The following KRT77 variants were observed in gnomAD, a reference collection of about 807,000 sequenced individuals.
KRT77 encodes keratin, type II cytoskeletal 1b.
A neutral mutation model predicts 51.5 loss-of-function variants in KRT77; 44 were observed. The ratio of observed to expected loss-of-function variants is 0.85; its 90% confidence interval spans 0.67 to 1.10. The LOEUF is 1.10. Ranked by LOEUF, KRT77 falls within the 50% of genes least tolerant of loss-of-function variation. KRT77 has a pLI of 0.00. For synonymous variants in KRT77, 293 were observed against 302.0 expected (o/e 0.97, Z 0.31); for missense variants, 763 against 743.9 (o/e 1.03, Z -0.30).
At chr12:52,701,824 C>T (rs1208770318) in intron 1 of KRT77, among the ~76,000 whole-genome samples, 1 of 152,200 alleles carries the variant, frequency 6.6e-6, no homozygotes, top group Non-Finnish European at 1.5e-5. Context: ...AGACAGAACC[C>T]TACATTGCAT....
In KRT77 at chr12:52,691,333, T is replaced by C. The variant is rs769156934; in HGVS notation, c.1569A>G (p.Arg523=). ...CTCGTGCCCCGCCTCCGCGGTAGCT[T>C]CTTCCGCCGCCATAGCCCCCACCGC... ...GGSGGGYGGG[R]SYRGGGARGR... Residue 523 remains arginine (R), a synonymous_variant, in exon 9 of 9, where the codon AGA becomes AGG. Coordinates refer to ENST00000341809, the MANE Select transcript of KRT77 (RefSeq NM_175078.3). 1 of 1,599,920 alleles carries C rather than the reference T, an allele frequency of 6.3e-7. No homozygotes were observed. The highest frequency in any genetic ancestry group is 1.3e-5 in the African/African-American group (1 of 74,564).
rs374834446 is a variant in KRT77, at chr12:52,691,324, G to A, written c.1578C>T (p.Arg526=). The A allele has an allele frequency of 2.8e-4, 455 of 1,600,162 alleles. 1 individual carries two copies. Among genetic ancestry groups the A allele is most frequent in the African/African-American group, 2.3e-3 (169 of 74,658 alleles). Residue 526 remains arginine, a synonymous_variant, in exon 9 of 9, where the codon CGC becomes CGT. Coordinates refer to ENST00000341809, the MANE Select transcript of KRT77 (RefSeq NM_175078.3). ...GGGYGGGRSY[R]GGGARGRSGG... ...CACTCCTGCCTCGTGCCCCGCCTCCGCGGTAGCTTCTTCCGCCGCCATAGC... is the reference window on the plus strand; with the variant it reads ...CACTCCTGCCTCGTGCCCCGCCTCCACGGTAGCTTCTTCCGCCGCCATAGC...
chr12:52,696,988 T>A (rs1312774621), intron 2 of KRT77, among the ~76,000 whole-genome samples: 1 of 152,200 alleles, frequency 6.6e-6, no homozygotes, highest in Non-Finnish European at 1.5e-5. Flanking sequence ...GAGGCTCTGC[T>A]GCCTGCACGG....
At chr12:52,701,560 G>A (rs1162126518) in intron 1 of KRT77, among the ~76,000 whole-genome samples, 5 of 152,186 alleles carry the variant, frequency 3.3e-5, no homozygotes, top group Admixed American at 6.5e-5. Context: ...GTGTGCAAGC[G>A]GCCTTGGTGC....
intron 1 of KRT77, among the ~76,000 whole-genome samples, chr12:52,698,948 G>C (rs1377224523): frequency 6.6e-6 from 1 of 152,204 alleles, no homozygotes; most frequent in Non-Finnish European, 1.5e-5. Flanking sequence ...CACTAGTGAG[G>C]GTCCTCCAAA....
intron 5 of KRT77, among the ~76,000 whole-genome samples, chr12:52,694,423 T>G (rs531919842): frequency 6.6e-6 from 1 of 152,356 alleles, no homozygotes; most frequent in African/African-American, 2.4e-5. Context: ...TCCACTAGCC[T>G]AATAGCGACA....
At position 52,691,093 on chromosome 12, in the gene KRT77, A is replaced by T; in HGVS notation, c.*72T>A. The T allele has an allele frequency of 6.2e-7, 1 of 1,602,296 alleles. No individual in the cohort carries two copies. The highest frequency in any genetic ancestry group is 8.5e-7 in the Non-Finnish European group (1 of 1,171,640). ...AAAAGTGAATGAGAGGGGATCAGGA[A>T]GGGCGTGGAGGGGAGGAGTTTGAGG... is the stretch of plus-strand genomic sequence containing the variant. On this transcript the variant is annotated 3_prime_UTR_variant, in exon 9 of 9. Coordinates refer to ENST00000341809, the MANE Select transcript of KRT77 (RefSeq NM_175078.3).
rs141415923 is a variant in KRT77, at chr12:52,692,513, C to T, written c.1335G>A (p.Leu445=). The T allele has an allele frequency of 6.2e-7, 1 of 1,614,074 alleles. No homozygotes were observed. Residue 445 remains leucine (L), a synonymous_variant, in exon 7 of 9, where the codon CTG becomes CTA. Coordinates refer to ENST00000341809, the MANE Select transcript of KRT77 (RefSeq NM_175078.3). ...CCAGCATGGCCTGGTAGTCACGCAG[C>T]AGCCGGGCCAGCTCCTCCTTGGACT... ...LQQSKEELAR[L]LRDYQAMLGV...
rs1392935412 is a variant in KRT77 at position 52,698,434 on chromosome 12, A to C, written c.544-538T>G. Among the ~76,000 whole-genome samples, 5 of 152,186 alleles carry C rather than the reference A, an allele frequency of 3.3e-5. No homozygotes were observed. In the East Asian group the frequency reaches 9.6e-4, roughly 29 times the overall value. ...GGGATGTTTGTCAGGAAAGTAACTC[A>C]TTTAAATGCTTTTATAATGCAGACA... is the stretch of plus-strand genomic sequence containing the variant. On this transcript the variant is annotated intron_variant, in intron 1 of 8. Transcript: ENST00000341809.
rs1941818900 is a variant in KRT77, at chr12:52,697,742, T to C, written c.698A>G (p.Gln233Arg). Residue 233 changes from glutamine to arginine, a missense_variant, in exon 2 of 9, where the codon CAG (glutamine) becomes CGG (arginine). By Grantham distance (43) the Gln-to-Arg change is conservative (BLOSUM62 1). Coordinates refer to ENST00000341809, the MANE Select transcript of KRT77 (RefSeq NM_175078.3). ...CCTGACCTCCGCGTTCTGGCGCATCTGCTCCGCACTGAGCAAATCCACCTG... is the reference window on the plus strand; with the variant it reads ...CCTGACCTCCGCGTTCTGGCGCATCCGCTCCGCACTGAGCAAATCCACCTG... ...RRQVDLLSAEQMRQNAEVRSM... is the reference protein window; with the variant it reads ...RRQVDLLSAERMRQNAEVRSM... 6.2e-7 allele frequency: 1 copy of C among 1,614,074 alleles called. No individual in the cohort carries two copies. Among genetic ancestry groups the C allele is most frequent in the Admixed American group, 1.7e-5 (1 of 60,006 alleles).
Position 52,690,885 on chromosome 12 carries a change from C to A in KRT77, c.*280G>T. The A allele has an allele frequency of 1.8e-6, 1 of 549,434 alleles. No homozygotes were observed. Among genetic ancestry groups the A allele is most frequent in the Non-Finnish European group, 3.2e-6 (1 of 311,090 alleles). The allele number at this position is 549,434 out of a possible 1,614,324, so 34.0% of individuals were successfully genotyped here. ...TGCTCACCCTGGGCTACCGATCTTC[C>A]AAAAAGGTGGGAGCAGGAACAGCAG... On this transcript the variant is annotated 3_prime_UTR_variant, in exon 9 of 9. Transcript: ENST00000341809.
chr12:52,694,429 C>T (rs775934344), intron 5 of KRT77, among the ~76,000 whole-genome samples, 197 bp downstream of exon 5: 2 of 152,084 alleles, frequency 1.3e-5, no homozygotes, highest in Non-Finnish European at 2.9e-5. Flanking sequence ...AGCCTAATAG[C>T]GACAAAGAAC....
chr12:52,694,347 T>G (rs971857314), intron 5 of KRT77, among the ~76,000 whole-genome samples: 2 of 152,218 alleles, frequency 1.3e-5, no homozygotes, highest in African/African-American at 4.8e-5. Context: ...TAAACATTAT[T>G]GGGTTTTTGC....
intron 8 of KRT77, 115 bp from the exon 9 acceptor site, chr12:52,691,554 C>T: frequency 8.4e-7 from 1 of 1,196,226 alleles, no homozygotes. Context: ...CATCGACTTG[C>T]AAACCCCATA....
intron 2 of KRT77, 39 bp downstream of exon 2, chr12:52,697,642 GC>G (rs1565653716): frequency 1.3e-6 from 2 of 1,551,210 alleles, no homozygotes; most frequent in Admixed American, 3.5e-5. Flanking sequence ...CCAGTTTCCG[GC>G]CATGCTTCTC....
At position 52,696,400 on chromosome 12, in the gene KRT77, G is replaced by A; in HGVS notation, c.789C>T (p.Gly263=). The change falls in exon 3 of 9, where the codon GGC becomes GGT. Residue 263 remains glycine, a synonymous_variant. Coordinates refer to ENST00000341809, the MANE Select transcript of KRT77 (RefSeq NM_175078.3). ...KYEDEINKRT[G]SENDFVVLKK... is the part of the protein sequence containing the mutation. ...TCAGGACGACAAAGTCATTCTCGCT[G>A]CCAGTCCTCTTGTTGATTTCATCCT... 6.2e-7 allele frequency: 1 copy of A among 1,614,160 alleles called. No individual in the cohort carries two copies.
Position 52,690,788 on chromosome 12 carries a change from A to T in KRT77, c.*377T>A, listed in dbSNP as rs1336193233. ...GCATAAGGGCATTCTACTTGGAGGC[A>T]GAGGAATGATAACAATGACTTCTCC... On this transcript the variant is annotated 3_prime_UTR_variant, in exon 9 of 9. Coordinates refer to ENST00000341809, the MANE Select transcript of KRT77 (RefSeq NM_175078.3). The T allele has an allele frequency of 5.5e-6, 2 of 366,542 alleles. No individual in the cohort carries two copies. Among genetic ancestry groups the T allele is most frequent in the Non-Finnish European group, 1.0e-5 (2 of 199,258 alleles). The allele number at this position is 366,542 out of a possible 1,614,324, so 22.7% of individuals were successfully genotyped here.
chr12:52,698,358 A>T, intron 1 of KRT77: 1 of 438,704 alleles, frequency 2.3e-6, no homozygotes, highest in Non-Finnish European at 4.6e-6. Context: ...TCCTGAGCAC[A>T]CTTGCTTGGG....
chr12:52,697,157 C>T (rs1565653585), intron 2 of KRT77, among the ~76,000 whole-genome samples: 1 of 152,154 alleles, frequency 6.6e-6, no homozygotes. Context: ...AAGTGTGGTC[C>T]CCAATCCACA....
Sources: allele counts gnomAD v4.1 joint callset (sites outside exome capture counted in the v4.1 genomes callset), GRCh38; gene constraint gnomAD v4.1.1; transcripts MANE v1.5; gene names NCBI Gene and HGNC (gene_info 2026-07-23, HGNC 2026-07-21).